The following NIPSNAP2 variants were observed in gnomAD, a reference collection of about 807,000 sequenced individuals.
The protein encoded by NIPSNAP2 is protein NipSnap homolog 2.
In NIPSNAP2, 42 loss-of-function variants were observed where a neutral mutation model predicts 48.4. The ratio of observed to expected loss-of-function variants is 0.87; its 90% CI spans 0.68 to 1.12. The LOEUF (loss-of-function observed/expected upper bound fraction) is 1.12, where lower values mean the gene tolerates loss of function less well. NIPSNAP2 is among the 50% of genes most tolerant of loss of function. The pLI, the probability that NIPSNAP2 is intolerant of heterozygous loss-of-function variation, is 0.00. For missense variants in NIPSNAP2, 314 were observed against 347.3 expected, an observed-to-expected ratio of 0.90 and a Z score of 0.76; for synonymous variants, 158 against 126.6, an observed-to-expected ratio of 1.25 and a Z score of -1.67.
chr7:55,997,528 G>C, intron 9 of NIPSNAP2, 79 bp downstream of exon 9: 1 of 1,147,216 alleles, frequency 8.7e-7, no homozygotes, highest in South Asian at 1.3e-5. Flanking sequence ...ACTAATAGGT[G>C]GGTTTTGTAA....
chr7:55,969,050 A>G (rs1006104898), intron 1 of NIPSNAP2, among the ~76,000 whole-genome samples: 5 of 145,068 alleles, frequency 3.4e-5, no homozygotes, highest in African/African-American at 1.2e-4. Context: ...CTGTCTGAAA[A>G]AAAAAAGAAA....
At chr7:55,986,530 T>C (rs1005686596) in intron 7 of NIPSNAP2, among the ~76,000 whole-genome samples, 5 of 151,670 alleles carry the variant, frequency 3.3e-5, no homozygotes, top group South Asian at 2.1e-4. Context: ...CGTATGGCGG[T>C]GTGCACCTGT....
At chr7:55,985,230 T>A (rs565376967) in intron 7 of NIPSNAP2, among the ~76,000 whole-genome samples, 88 of 152,318 alleles carry the variant, frequency 5.8e-4, no homozygotes, top group Middle Eastern at 6.8e-3. Context: ...ACCTTTTTTT[T>A]AAAAGCAAAA....
intron 5 of NIPSNAP2, among the ~76,000 whole-genome samples, chr7:55,982,562 C>A (rs1441523707): frequency 2.0e-5 from 3 of 149,152 alleles, no homozygotes; most frequent in African/African-American, 4.9e-5. Flanking sequence ...TCCTGGCTTA[C>A]ACAGTGAAAC....
intron 1 of NIPSNAP2, chr7:55,965,296 T>TA (rs1165053235): frequency 1.1e-4 from 16 of 152,160 alleles, no homozygotes; most frequent in Non-Finnish European, 5.9e-5. Context: ...TAAAAGTACT[T>TA]AGAGTTATCA....
At chr7:55,984,771 T>C (rs1787292352) in intron 6 of NIPSNAP2, 76 bp from the exon 7 acceptor site, 2 of 1,243,114 alleles carry the variant, frequency 1.6e-6, no homozygotes, top group Admixed American at 4.0e-5. Flanking sequence ...TTAATGTTTT[T>C]TCTACTGCTG....
chr7:55,970,002 A>T (rs1370530395), intron 1 of NIPSNAP2, among the ~76,000 whole-genome samples: 1 of 150,684 alleles, frequency 6.6e-6, no homozygotes, highest in Non-Finnish European at 1.5e-5. Flanking sequence ...AAAAAAAAAA[A>T]GATCATATGA....
rs755370206 is a variant in NIPSNAP2, at chr7:55,997,465, C to A, written c.796+16C>A. On this transcript the variant is annotated intron_variant, in intron 9 of 9. Coordinates refer to ENST00000322090, the MANE Select transcript of NIPSNAP2 (RefSeq NM_001483.3). ...TATTACACAGGTAATCTCTTAACAG[C>A]CATGAAATATGCTTTTTGTCTTACT... The A allele has an allele frequency of 1.1e-5, 17 of 1,574,548 alleles. No homozygotes were observed. The highest frequency in any genetic ancestry group is 1.1e-5 in the Non-Finnish European group (13 of 1,144,318).
At chr7:55,976,233 T>C (rs1397462596) in intron 1 of NIPSNAP2, among the ~76,000 whole-genome samples, 1 of 152,244 alleles carries the variant, frequency 6.6e-6, no homozygotes, top group African/African-American at 2.4e-5. Flanking sequence ...ACAGAATTTA[T>C]CTTGGAGATG....
chr7:55,995,189 A>G (rs1787537811), intron 8 of NIPSNAP2, among the ~76,000 whole-genome samples: 1 of 152,152 alleles, frequency 6.6e-6, no homozygotes, highest in Non-Finnish European at 1.5e-5. Context: ...AGTGAGCTGA[A>G]AGTGAGTAGG....
At chr7:55,973,620 G>A (rs1267700396) in intron 1 of NIPSNAP2, among the ~76,000 whole-genome samples, 4 of 151,470 alleles carry the variant, frequency 2.6e-5, no homozygotes, top group Non-Finnish European at 4.4e-5. Flanking sequence ...GATCACAGGC[G>A]TGTGCCACCA....
chr7:55,981,407 A>G, intron 3 of NIPSNAP2, 66 bp from the exon 4 acceptor site: 1 of 1,062,634 alleles, frequency 9.4e-7, no homozygotes, highest in Non-Finnish European at 1.5e-6. Context: ...GTTACTGATC[A>G]GGTGCTGTCC....
rs144761490 is a variant in NIPSNAP2, at chr7:55,979,345, C to T, written c.278+950C>T. 5.7e-3 allele frequency: 901 copies of T among 157,236 alleles called. 8 individuals carry two copies. The highest frequency in any genetic ancestry group is 0.019 in the African/African-American group (810 of 41,658). The allele number at this position is 157,236 out of a possible 1,614,324, so 9.7% of individuals were successfully genotyped here. A position where few individuals can be genotyped will look rare whatever the true frequency, so the allele number is the denominator to read the frequency against. ...TTACCTTTTTTGTCCTGTCTTATCA[C>T]TTCGTCTCCTGTCTCGGGTTTCTGG... On this transcript the variant is annotated intron_variant, in intron 3 of 9. Coordinates refer to ENST00000322090, the MANE Select transcript of NIPSNAP2 (RefSeq NM_001483.3).
rs776799938 is a variant in NIPSNAP2, at chr7:55,997,431, G to A, written c.778G>A (p.Glu260Lys). Residue 260 changes from glutamate to lysine, a missense_variant, in exon 9 of 10, where the codon GAA becomes AAA. Around this residue, in one of 2 missense-constraint regions of NIPSNAP2, gnomAD observed 116 missense variants for 161.8 expected, o/e 0.72. Transcript: ENST00000322090. ...NAAWHKHGWE[E>K]LVYYTVPLIQ... is the part of the protein sequence containing the mutation. ...AGCATGGCACAAACATGGCTGGGAG[G>A]AATTGGTATATTACACAGGTAATCT... The A allele has an allele frequency of 1.2e-6, 2 of 1,613,054 alleles. No homozygotes were observed. The highest frequency in any genetic ancestry group is 1.7e-6 in the Non-Finnish European group (2 of 1,179,094).
chr7:55,971,848 G>A (rs1475219656), intron 1 of NIPSNAP2, among the ~76,000 whole-genome samples: 1 of 151,962 alleles, frequency 6.6e-6, no homozygotes, highest in Admixed American at 6.6e-5. Flanking sequence ...CATTGCTTTA[G>A]TATTTCTTAT....
intron 7 of NIPSNAP2, among the ~76,000 whole-genome samples, chr7:55,994,213 C>T (rs1484076008): frequency 6.6e-6 from 1 of 152,186 alleles, no homozygotes; most frequent in Non-Finnish European, 1.5e-5. Context: ...GCCTCGCTTC[C>T]CCTCTGAGGG....
chr7:55,979,581 C>T (rs1307586573), intron 3 of NIPSNAP2: 3 of 352,386 alleles, frequency 8.5e-6, no homozygotes, highest in Non-Finnish European at 1.7e-5. Context: ...ATCTCTCTCT[C>T]CAAGCCTCTC....
chr7:55,984,724 A>AG, intron 6 of NIPSNAP2, 123 bp from the exon 7 acceptor site: 1 of 776,562 alleles, frequency 1.3e-6, no homozygotes, highest in Non-Finnish European at 2.1e-6. Context: ...TCTCAAAAAA[A>AG]AAAAAAAAAA....
chr7:55,978,989 C>G (rs1787159178), intron 3 of NIPSNAP2: 2 of 152,314 alleles, frequency 1.3e-5, no homozygotes, highest in Non-Finnish European at 2.9e-5. Flanking sequence ...TTTAAGTTAA[C>G]AGAAATAGTA....
Sources: gnomAD v4.1 joint callset for allele counts (sites outside exome capture counted in the v4.1 genomes callset) on GRCh38, gnomAD v4.1.1 for gene constraint, gnomAD v4.1.1 regional missense constraint, MANE v1.5 for transcripts, NCBI Gene and HGNC (gene_info 2026-07-23, HGNC 2026-07-21) for gene names.